Variants in DRGX observed in about 807,000 individuals in gnomAD.
DRGX encodes dorsal root ganglia homeobox protein.
In DRGX, 21 loss-of-function variants were observed where a neutral mutation model predicts 28.6. The ratio of observed to expected loss-of-function variants is 0.73; its 90% CI spans 0.52 to 1.06. The LOEUF (loss-of-function observed/expected upper bound fraction) is 1.06. Ranked by LOEUF, DRGX falls within the 50% of genes least tolerant of loss-of-function variation. The probability of loss-of-function intolerance (pLI) is 0.00; values close to 1 mark genes in which losing one functional copy is unlikely to be tolerated. For synonymous variants in DRGX, 136 were observed against 139.1 expected (o/e 0.98, Z 0.16); for missense variants, 354 against 343.9 (o/e 1.03, Z -0.23).
intron 4 of DRGX, among the ~76,000 whole-genome samples, chr10:49,387,584 A>T (rs1225877395): frequency 6.7e-6 from 1 of 150,212 alleles, no homozygotes; most frequent in Non-Finnish European, 1.5e-5. Flanking sequence ...AATCACTTGA[A>T]CCCGGGAGGT....
At position 49,366,353 on chromosome 10, in the gene DRGX, T is replaced by C. The variant is rs746628925; in HGVS notation, c.555A>G (p.Pro185=). The C allele has an allele frequency of 1.2e-6, 2 of 1,612,150 alleles. No individual in the cohort carries two copies. Among genetic ancestry groups the C allele is most frequent in the Admixed American group, 3.3e-5 (2 of 59,918 alleles). The change falls in exon 7 of 7, where the codon CCA becomes CCG. Residue 185 remains proline (P), a synonymous_variant. Coordinates refer to ENST00000374139, the MANE Select transcript of DRGX (RefSeq NM_001276451.2). ...GAAGGAAGGAGAGTCCCATGGGGTC[T>C]GGGACGCAGCAAGAGCACAGTGGGC... The part of the protein sequence containing the change: ...KGGPLCSCCV[P]DPMGLSFLPT...
intron 4 of DRGX, among the ~76,000 whole-genome samples, chr10:49,387,708 C>A (rs1849855799): frequency 6.6e-6 from 1 of 150,936 alleles, no homozygotes; most frequent in Non-Finnish European, 1.5e-5. Context: ...AGAAAAGAAA[C>A]ACTGACTCTG....
intron 4 of DRGX, among the ~76,000 whole-genome samples, chr10:49,389,508 C>A (rs1006040697): frequency 6.6e-6 from 1 of 152,284 alleles, no homozygotes; most frequent in East Asian, 1.9e-4. Context: ...CTGCTGGGTT[C>A]GGCGGGCAGG....
At chr10:49,377,887 A>G (rs747892271) in intron 6 of DRGX, among the ~76,000 whole-genome samples, 8 of 152,190 alleles carry the variant, frequency 5.3e-5, no homozygotes, top group Admixed American at 1.3e-4. Context: ...AAACCATACC[A>G]AAACCTGGAA....
intron 6 of DRGX, among the ~76,000 whole-genome samples, chr10:49,379,358 C>T (rs541949097): frequency 8.5e-4 from 130 of 152,300 alleles, no homozygotes; most frequent in Non-Finnish European, 1.4e-3. Flanking sequence ...GTCCTAGGTG[C>T]AAGCTTCGTG....
chr10:49,386,412 C>A, intron 6 of DRGX, 66 bp downstream of exon 6: 1 of 1,393,958 alleles, frequency 7.2e-7, no homozygotes. Context: ...AAGACCCAGG[C>A]CGGTCACACA....
At chr10:49,380,245 A>C (rs1219662319) in intron 6 of DRGX, among the ~76,000 whole-genome samples, 2 of 152,132 alleles carry the variant, frequency 1.3e-5, no homozygotes, top group Non-Finnish European at 2.9e-5. Context: ...GTCCCACCTC[A>C]CACCCAGCTC....
intron 4 of DRGX, among the ~76,000 whole-genome samples, chr10:49,387,999 G>T (rs191952896): frequency 6.6e-6 from 1 of 152,102 alleles, no homozygotes; most frequent in Admixed American, 6.5e-5. Context: ...GCAAAACACC[G>T]AGCACAGGGC....
chr10:49,380,720 C>T (rs1447613162), intron 6 of DRGX, among the ~76,000 whole-genome samples: 1 of 152,130 alleles, frequency 6.6e-6, no homozygotes, highest in Non-Finnish European at 1.5e-5. Context: ...ACAAGGATTA[C>T]AAGGAAAAGG....
chr10:49,394,778 G>A (rs900072253), intron 2 of DRGX, among the ~76,000 whole-genome samples: 2 of 152,226 alleles, frequency 1.3e-5, no homozygotes, highest in African/African-American at 4.8e-5. Context: ...CCTGGGGAGT[G>A]GGGAGTGGTC....
At chr10:49,373,021 C>G (rs1849677481) in intron 6 of DRGX, among the ~76,000 whole-genome samples, 1 of 152,104 alleles carries the variant, frequency 6.6e-6, no homozygotes, top group South Asian at 2.1e-4. Flanking sequence ...GTGCTCACTT[C>G]AGCAGCACAT....
chr10:49,395,436 A>C lies in DRGX; in HGVS notation c.5T>G (p.Phe2Cys). Reference sequence around the variant, plus strand: ...TAGCTGTGGCGGGCAGTGGAAATAAAACATCGCCGGCTGTCAGATCGGCTG... The same window carrying C: ...TAGCTGTGGCGGGCAGTGGAAATAACACATCGCCGGCTGTCAGATCGGCTG... M[F>C]YFHCPPQLEG... is the part of the protein sequence containing the mutation. The change falls in exon 2 of 7, where the codon TTT becomes TGT. Residue 2 changes from phenylalanine (F) to cysteine (C), a missense_variant. By Grantham distance (205) the Phe-to-Cys change is radical. Transcript: ENST00000374139. The C allele has an allele frequency of 6.5e-7, 1 of 1,550,302 alleles. No homozygotes were observed. Among genetic ancestry groups the C allele is most frequent in the Non-Finnish European group, 8.7e-7 (1 of 1,146,898 alleles).
intron 4 of DRGX, among the ~76,000 whole-genome samples, chr10:49,388,646 A>G (rs1485769961): frequency 6.6e-6 from 1 of 152,236 alleles, no homozygotes; most frequent in Non-Finnish European, 1.5e-5. Context: ...ATTTTTCATT[A>G]TCATATTTTA....
At chr10:49,388,504 T>C (rs1849865022) in intron 4 of DRGX, among the ~76,000 whole-genome samples, 1 of 152,252 alleles carries the variant, frequency 6.6e-6, no homozygotes, top group South Asian at 2.1e-4. Context: ...TAATTGCACA[T>C]ATCAGCAACC....
At chr10:49,372,413 G>T (rs1344034881) in intron 6 of DRGX, among the ~76,000 whole-genome samples, 2 of 152,124 alleles carry the variant, frequency 1.3e-5, no homozygotes, top group Non-Finnish European at 2.9e-5. Flanking sequence ...AAGAAGTCTG[G>T]CCCCTGACCC....
At position 49,391,225 on chromosome 10, in the gene DRGX, A is replaced by G; in HGVS notation, c.71T>C (p.Phe24Ser). 1 of 1,612,212 alleles carries G rather than the reference A, an allele frequency of 6.2e-7. No homozygotes were observed. Among genetic ancestry groups the G allele is most frequent in the Non-Finnish European group, 8.5e-7 (1 of 1,179,180 alleles). The change falls in exon 3 of 7, where the codon TTT becomes TCT. Residue 24 changes from phenylalanine (F) to serine (S), a missense_variant. Phe to Ser is a radical substitution (Grantham distance 155). Coordinates refer to ENST00000374139, the MANE Select transcript of DRGX (RefSeq NM_001276451.2). ...ATFGNHSSGDFDDGFLRRKQR... is the reference protein window; with the variant it reads ...ATFGNHSSGDSDDGFLRRKQR... ...TTTTCTACGCAGAAACCCGTCATCA[A>G]AATCCCCCGAAGAGTGATTGCCAAA...
chr10:49,386,758 G>A lies in DRGX; in HGVS notation c.335C>T (p.Pro112Leu). Residue 112 changes from proline to leucine, a missense_variant, in exon 5 of 7, where the codon CCT becomes CTT. Coordinates refer to ENST00000374139, the MANE Select transcript of DRGX (RefSeq NM_001276451.2). ...CGGGGAGTTGATGTTTCTCACTGGAGGAGGTGTCACCTCTGCCATGGGCTC... is the reference window on the plus strand; with the variant it reads ...CGGGGAGTTGATGTTTCTCACTGGAAGAGGTGTCACCTCTGCCATGGGCTC... ...AKEPMAEVTP[P>L]PVRNINSPPP... The A allele has an allele frequency of 1.2e-6, 2 of 1,610,190 alleles. No individual in the cohort carries two copies. Among genetic ancestry groups the A allele is most frequent in the Non-Finnish European group, 1.7e-6 (2 of 1,178,222 alleles).
At chr10:49,395,340 C>G (rs1372427531) in intron 2 of DRGX, 67 bp downstream of exon 2, 1 of 1,541,156 alleles carries the variant, frequency 6.5e-7, no homozygotes, top group East Asian at 2.4e-5. Flanking sequence ...ACCAGCCCTG[C>G]TGCCGCTCCG....
intron 6 of DRGX, among the ~76,000 whole-genome samples, chr10:49,371,842 C>T (rs913585453): frequency 1.3e-5 from 2 of 149,830 alleles, no homozygotes; most frequent in Non-Finnish European, 2.9e-5. Flanking sequence ...CAGTTGTAGT[C>T]CCAGCTACTA....
Sources: gnomAD v4.1 joint callset for allele counts (sites outside exome capture counted in the v4.1 genomes callset) on GRCh38, gnomAD v4.1.1 for gene constraint, MANE v1.5 for transcripts, NCBI Gene and HGNC (gene_info 2026-07-23, HGNC 2026-07-21) for gene names.